CEP112: variants seen among roughly 807,000 people sequenced by gnomAD.
CEP112 encodes centrosomal protein of 112 kDa.
Under a neutral mutation model 153.0 loss-of-function variants are expected in CEP112, and 127 were observed. That is an observed-to-expected ratio of 0.83 (90% CI 0.72 to 0.96). The LOEUF (loss-of-function observed/expected upper bound fraction) is 0.96. Ranked by LOEUF, CEP112 falls within the 40% of genes least tolerant of loss-of-function variation. The probability of loss-of-function intolerance (pLI) is 0.00; values close to 1 mark genes in which losing one functional copy is unlikely to be tolerated. For missense variants in CEP112, 1,089 were observed against 1,101.2 expected, an observed-to-expected ratio of 0.99 and a Z score of 0.16; for synonymous variants, 358 against 374.4, an observed-to-expected ratio of 0.96 and a Z score of 0.51.
At chr17:66,095,086 C>G (rs189110808) in intron 8 of CEP112, among the ~76,000 whole-genome samples, 3 of 152,176 alleles carry the variant, frequency 2.0e-5, no homozygotes, top group Middle Eastern at 3.4e-3. Flanking sequence ...AAAAACAGTA[C>G]GAGGGTTCCT....
intron 21 of CEP112, 31 bp downstream of exon 21, chr17:65,851,773 T>C: frequency 6.7e-7 from 1 of 1,499,682 alleles, no homozygotes; most frequent in Non-Finnish European, 9.2e-7. Flanking sequence ...GGATTTCAAC[T>C]GCCTATTAAA....
chr17:65,929,135 A>G (rs2061034354), intron 18 of CEP112, among the ~76,000 whole-genome samples: 1 of 152,258 alleles, frequency 6.6e-6, no homozygotes, highest in Non-Finnish European at 1.5e-5. Flanking sequence ...TGATGTTTGC[A>G]TAACATCCTG....
At chr17:65,990,583 G>A (rs1184216897) in intron 17 of CEP112, among the ~76,000 whole-genome samples, 1 of 152,226 alleles carries the variant, frequency 6.6e-6, no homozygotes, top group African/African-American at 2.4e-5. Context: ...GAGGGCACCT[G>A]GACTGGCCCA....
At chr17:66,086,478 A>G (rs2067941239) in intron 8 of CEP112, among the ~76,000 whole-genome samples, 1 of 123,672 alleles carries the variant, frequency 8.1e-6, no homozygotes, top group African/African-American at 3.1e-5. Flanking sequence ...ATCTCGGCTC[A>G]CTGCAAGGTC....
intron 21 of CEP112, among the ~76,000 whole-genome samples, chr17:65,754,996 G>A (rs778256302): frequency 3.9e-5 from 6 of 151,998 alleles, no homozygotes; most frequent in Non-Finnish European, 7.4e-5. Flanking sequence ...ACCTAGGTAT[G>A]GGTTGGTCTG....
At chr17:65,970,719 G>A (rs62064278) in intron 17 of CEP112, among the ~76,000 whole-genome samples, 71,254 of 149,560 alleles carry the variant, frequency 0.48, 17,969 homozygotes, top group East Asian at 0.89. Context: ...CATGACATGT[G>A]CCTTTATCAC....
At chr17:66,099,504 CAAAAA>C (rs71160532) in intron 6 of CEP112, among the ~76,000 whole-genome samples, 138 of 113,920 alleles carry the variant, frequency 1.2e-3, no homozygotes, top group Non-Finnish European at 1.8e-3. Flanking sequence ...AACTCTGTCT[CAAAAA>C]AAAAAAAAAA....
intron 23 of CEP112, among the ~76,000 whole-genome samples, chr17:65,725,749 A>G (rs232095): frequency 0.56 from 85,090 of 152,006 alleles, 25,844 homozygotes; most frequent in East Asian, 0.86. Context: ...GGATGAAAAA[A>G]CGGAAACCCC....
intron 23 of CEP112, among the ~76,000 whole-genome samples, chr17:65,725,823 T>C (rs1264618098): frequency 1.3e-5 from 2 of 152,072 alleles, no homozygotes; most frequent in South Asian, 2.1e-4. Context: ...GGGGAAACTG[T>C]CCCCATGATT....
intron 18 of CEP112, among the ~76,000 whole-genome samples, chr17:65,930,758 C>T (rs1412720617): frequency 6.6e-6 from 1 of 152,188 alleles, no homozygotes; most frequent in Non-Finnish European, 1.5e-5. Flanking sequence ...CTGTCCTCGG[C>T]AATCCAGACT....
chr17:65,677,180 G>T (rs2039489920), intron 24 of CEP112, among the ~76,000 whole-genome samples: 1 of 152,102 alleles, frequency 6.6e-6, no homozygotes, highest in South Asian at 2.1e-4. Context: ...GAATAAACCT[G>T]TCTGTAAATC....
chr17:66,148,919 A>C (rs893442671), intron 4 of CEP112, among the ~76,000 whole-genome samples: 5 of 152,218 alleles, frequency 3.3e-5, no homozygotes, highest in African/African-American at 1.2e-4. Flanking sequence ...CTGATCTTAG[A>C]GGAAAAGCTT....
chr17:66,038,785 G>C (rs1165778153), intron 12 of CEP112, among the ~76,000 whole-genome samples: 4 of 152,188 alleles, frequency 2.6e-5, no homozygotes, highest in African/African-American at 9.6e-5. Context: ...TTCGTGAACT[G>C]ATGTAACTTG....
chr17:65,756,033 AG>A (rs2145321915), intron 21 of CEP112, among the ~76,000 whole-genome samples: 1 of 152,300 alleles, frequency 6.6e-6, no homozygotes, highest in Admixed American at 6.5e-5. Context: ...CAGAGGTCTA[AG>A]TATACTCAGC....
chr17:65,974,725 C>A (rs2062968048), intron 17 of CEP112, among the ~76,000 whole-genome samples: 1 of 152,058 alleles, frequency 6.6e-6, no homozygotes, highest in Non-Finnish European at 1.5e-5. Flanking sequence ...AGTATCCATG[C>A]CTTTCGTGTA....
Position 66,168,433 on chromosome 17 carries a change from GTA to G in CEP112, c.470+6609_470+6610del, listed in dbSNP as rs199719780. Among the ~76,000 whole-genome samples the G allele has an allele frequency of 9.1e-3, 1,335 of 147,088 alleles. 18 individuals are homozygous for G. The highest frequency in any genetic ancestry group is 0.031 in the African/African-American group (1,244 of 40,064). On this transcript the variant is annotated intron_variant, in intron 4 of 26. Transcript: ENST00000535342. ...TATGTGTGTGTGTGTGTATATATAT[GTA>G]TATATATGTGTGTGTATATATGTAT...
chr17:65,989,595 A>C (rs868150074), intron 17 of CEP112, among the ~76,000 whole-genome samples: 1 of 152,196 alleles, frequency 6.6e-6, no homozygotes, highest in Non-Finnish European at 1.5e-5. Flanking sequence ...CAACACCAGA[A>C]CCATCTTACA....
chr17:66,128,663 T>C (rs188173194), intron 6 of CEP112, among the ~76,000 whole-genome samples: 15 of 152,240 alleles, frequency 9.9e-5, no homozygotes, highest in African/African-American at 3.6e-4. Context: ...TATAAAAAGA[T>C]TCTTATAAGG....
chr17:65,758,766 C>A (rs1370360128), intron 21 of CEP112, among the ~76,000 whole-genome samples: 1 of 152,066 alleles, frequency 6.6e-6, no homozygotes, highest in African/African-American at 2.4e-5. Flanking sequence ...GAATGCTTCC[C>A]AGATCCTAGA....
Sources: allele counts gnomAD v4.1 joint callset (sites outside exome capture counted in the v4.1 genomes callset), GRCh38; gene constraint gnomAD v4.1.1; transcripts MANE v1.5; gene names NCBI Gene and HGNC (gene_info 2026-07-23, HGNC 2026-07-21).